Variants in DZIP1 observed in about 807,000 individuals in gnomAD.
DZIP1 encodes the protein cilium assembly protein DZIP1.
DZIP1 carries 97 observed loss-of-function variants against 107.6 expected under a neutral mutation model. The ratio of observed to expected loss-of-function variants is 0.90; its 90% CI spans 0.77 to 1.07. The LOEUF (loss-of-function observed/expected upper bound fraction) is 1.07. Ranked by LOEUF, DZIP1 falls within the 50% of genes least tolerant of loss-of-function variation. DZIP1 has a pLI of 0.00. For synonymous variants in DZIP1, 390 were observed against 386.4 expected, an observed-to-expected ratio of 1.01 and a Z score of -0.11; for missense variants, 1,035 against 1,063.6, an observed-to-expected ratio of 0.97 and a Z score of 0.37.
At chr13:95,586,875 G>A (rs1039442229) in intron 20 of DZIP1, among the ~76,000 whole-genome samples, 4 of 152,114 alleles carry the variant, frequency 2.6e-5, no homozygotes, top group Non-Finnish European at 5.9e-5. Flanking sequence ...CTAAGATCTT[G>A]TCTTCCTTTA....
At chr13:95,605,055 C>A (rs935109043) in intron 14 of DZIP1, among the ~76,000 whole-genome samples, 1 of 152,156 alleles carries the variant, frequency 6.6e-6, no homozygotes, top group African/African-American at 2.4e-5. Flanking sequence ...AACTGACCCA[C>A]CTGAAATGAT....
intron 5 of DZIP1, 37 bp from the exon 6 acceptor site, chr13:95,633,358 AC>A (rs764393882): frequency 1.9e-6 from 3 of 1,564,878 alleles, no homozygotes; most frequent in Non-Finnish European, 2.6e-6. Context: ...AGTGTCTGTA[AC>A]GACTGTCGTC....
rs1875610812 is a variant in DZIP1 at position 95,619,915 on chromosome 13, A to C, written c.1143T>G (p.Ile381Met). 6.2e-7 allele frequency: 1 copy of C among 1,613,806 alleles called. No individual in the cohort carries two copies. Among genetic ancestry groups the C allele is most frequent in the African/African-American group, 1.3e-5 (1 of 74,924 alleles). The change falls in exon 10 of 23, where the codon ATT becomes ATG. Residue 381 changes from isoleucine (I) to methionine (M), a missense_variant. Transcript: ENST00000376829. ...CCTTCTCTTTCTTGTGTTCTTGATG[A>C]ATAGCTTGAACTCGAGCTGTCCATT... ...ESKWTARVQA[I>M]HQEHKKEKGR...
At chr13:95,610,055 AGTGTGTGTGTGTGT>A (rs58398816) in intron 12 of DZIP1, among the ~76,000 whole-genome samples, 1,511 of 109,354 alleles carry the variant, frequency 0.014, 27 homozygotes, top group African/African-American at 0.032. Flanking sequence ...TGACTGGTTT[AGTGTGTGTGTGTGT>A]GTGTGTGTGT....
At chr13:95,630,242 T>C (rs1056295019) in intron 6 of DZIP1, 129 bp from the exon 7 acceptor site, 1 of 1,217,478 alleles carries the variant, frequency 8.2e-7, no homozygotes, top group Non-Finnish European at 1.1e-6. Flanking sequence ...ACTTGTTTCA[T>C]GCCACATGAG....
chr13:95,633,262 G>A lies in DZIP1; in HGVS notation c.657C>T (p.Arg219=). 6.2e-7 allele frequency: 1 copy of A among 1,614,166 alleles called. No homozygotes were observed. The highest frequency in any genetic ancestry group is 8.5e-7 in the Non-Finnish European group (1 of 1,180,028). The part of the protein sequence containing the change: ...NQAFLQSHIQ[R]RHTEENSHFE... The stretch of plus-strand genomic sequence containing the variant: ...AATGAGAATTTTCTTCAGTGTGGCG[G>A]CGTTGAATGTGACTTTGTAGAAAAG... Residue 219 remains arginine, a synonymous_variant, in exon 6 of 23, where the codon CGC becomes CGT. Coordinates refer to ENST00000376829, the MANE Select transcript of DZIP1 (RefSeq NM_198968.4).
At chr13:95,639,998 A>ATTTT (rs71682947) in intron 5 of DZIP1, among the ~76,000 whole-genome samples, 27 of 142,990 alleles carry the variant, frequency 1.9e-4, no homozygotes, top group African/African-American at 6.6e-4. Context: ...ATTTTTATTT[A>ATTTT]TTTTTTTTTT....
intron 6 of DZIP1, 118 bp from the exon 7 acceptor site, chr13:95,630,231 T>A: frequency 7.6e-7 from 1 of 1,312,004 alleles, no homozygotes; most frequent in Non-Finnish European, 1.0e-6. Flanking sequence ...GGGATACGAT[T>A]ACTTGTTTCA....
chr13:95,623,122 A>C (rs1017630096), intron 8 of DZIP1, among the ~76,000 whole-genome samples: 1 of 152,190 alleles, frequency 6.6e-6, no homozygotes, highest in Admixed American at 6.5e-5. Flanking sequence ...TTCTTAAGCT[A>C]GTTTAGTGAG....
At chr13:95,609,154 T>G (rs2044893471) in intron 13 of DZIP1, among the ~76,000 whole-genome samples, 1 of 80,568 alleles carries the variant, frequency 1.2e-5, no homozygotes, top group African/African-American at 5.6e-5. Context: ...TCGCATAGTG[T>G]ATCACTTTGA....
chr13:95,641,611 A>C lies in DZIP1; in HGVS notation c.281T>G (p.Met94Arg). The C allele has an allele frequency of 1.2e-6, 2 of 1,612,764 alleles. No homozygotes were observed. Among genetic ancestry groups the C allele is most frequent in the South Asian group, 2.2e-5 (2 of 91,082 alleles). ...TTCCAGCTTGCAGAAGGTGATGTTC[A>C]TGATGTTCTCCTGCAGCGTCAGCAC... ...VDVLTLQENI[M>R]NITFCKLEDE... Residue 94 changes from methionine to arginine, a missense_variant, in exon 5 of 23, where the codon ATG (methionine) becomes AGG (arginine). Physicochemically the swap from Met to Arg is moderately conservative, Grantham distance 91. Coordinates refer to ENST00000376829, the MANE Select transcript of DZIP1 (RefSeq NM_198968.4). This position sits in a 1 kb window ranked among gnomAD's most constrained non-coding sequence, Gnocchi z 4.3.
At chr13:95,591,566 T>C (rs2044313992) in intron 16 of DZIP1, among the ~76,000 whole-genome samples, 1 of 152,126 alleles carries the variant, frequency 6.6e-6, no homozygotes, top group African/African-American at 2.4e-5. Context: ...GAAATCTCCA[T>C]CATCAAATTA....
intron 19 of DZIP1, chr13:95,588,056 A>C (rs1307888339): frequency 5.0e-6 from 1 of 199,480 alleles, no homozygotes; most frequent in Non-Finnish European, 1.0e-5. Flanking sequence ...TTTCCTCAGT[A>C]AAACCACTCC....
At chr13:95,584,061 C>G (rs1269626589) in intron 22 of DZIP1, among the ~76,000 whole-genome samples, 3 of 151,964 alleles carry the variant, frequency 2.0e-5, no homozygotes, top group Non-Finnish European at 4.4e-5. Context: ...ACTGCAACCT[C>G]CACTTCCCAG....
chr13:95,584,833 T>G lies in DZIP1; in HGVS notation c.2427A>C (p.Lys809Asn). The G allele has an allele frequency of 6.2e-7, 1 of 1,614,150 alleles. No individual in the cohort carries two copies. Among genetic ancestry groups the G allele is most frequent in the South Asian group, 1.1e-5 (1 of 91,074 alleles). Residue 809 changes from lysine to asparagine, a missense_variant, in exon 22 of 23, where the codon AAA becomes AAC. Lys to Asn is a moderately conservative substitution (Grantham distance 94). Transcript: ENST00000376829. ...EEISLGKKSGKEQKEPPPAKN... is the reference protein window; with the variant it reads ...EEISLGKKSGNEQKEPPPAKN... ...TCGCAGGTGGAGGTTCCTTCTGTTC[T>G]TTCCCAGATTTTTTTCCCAAAGATA...
intron 16 of DZIP1, among the ~76,000 whole-genome samples, chr13:95,590,862 A>C (rs1335890795): frequency 6.6e-6 from 1 of 152,180 alleles, no homozygotes; most frequent in Non-Finnish European, 1.5e-5. Context: ...CCTGTGAGAA[A>C]GGAAGCTGTC....
intron 9 of DZIP1, among the ~76,000 whole-genome samples, chr13:95,620,612 C>G (rs1217747735): frequency 6.6e-6 from 1 of 152,152 alleles, no homozygotes; most frequent in East Asian, 1.9e-4. Flanking sequence ...CTGTGTCATT[C>G]CACAACTGTA....
rs1240565963 is a variant in DZIP1, at chr13:95,641,306, T to C, written c.586A>G (p.Asn196Asp). The change falls in exon 5 of 23, where the codon AAC becomes GAC. Residue 196 changes from asparagine (N) to aspartate (D), a missense_variant. Coordinates refer to ENST00000376829, the MANE Select transcript of DZIP1 (RefSeq NM_198968.4). This position sits in a 1 kb window ranked among gnomAD's most constrained non-coding sequence, Gnocchi z 4.3. ...ACACAGCTGCCCACCTGGTAATAGT[T>C]GGCTTTGGCCTCGATCATCAGCTGC... is the stretch of plus-strand genomic sequence containing the variant. ...TQQLMIEAKA[N>D]YYQCHFCDKA... is the part of the protein sequence containing the mutation. 6.3e-7 allele frequency: 1 copy of C among 1,584,412 alleles called. No homozygotes were observed. Among genetic ancestry groups the C allele is most frequent in the Non-Finnish European group, 8.6e-7 (1 of 1,159,666 alleles).
At chr13:95,627,398 A>G (rs995789073) in intron 7 of DZIP1, among the ~76,000 whole-genome samples, 2 of 152,260 alleles carry the variant, frequency 1.3e-5, no homozygotes, top group Non-Finnish European at 2.9e-5. Context: ...TAAAGTGATG[A>G]AACTATTAGT....
Sources: gnomAD v4.1 joint callset for allele counts (sites outside exome capture counted in the v4.1 genomes callset) on GRCh38, gnomAD v4.1.1 for gene constraint, Gnocchi (gnomAD v3.1) non-coding constraint, MANE v1.5 for transcripts, NCBI Gene and HGNC (gene_info 2026-07-23, HGNC 2026-07-21) for gene names.